The following ELL variants were observed in gnomAD, a reference collection of about 807,000 sequenced individuals.
The protein encoded by ELL is elongation factor for RNA polymerase II.
A neutral mutation model predicts 64.0 loss-of-function variants in ELL; 18 were observed. That is an observed-to-expected ratio of 0.28 (90% CI 0.19 to 0.42). ELL has a LOEUF of 0.42. Ranked by LOEUF, ELL falls within the 10% of genes least tolerant of loss-of-function variation. ELL has a pLI of 1.00. For synonymous variants in ELL, 399 were observed against 376.2 expected, an observed-to-expected ratio of 1.06 and a Z score of -0.70; for missense variants, 797 against 870.4, an observed-to-expected ratio of 0.92 and a Z score of 1.06.
intron 1 of ELL, among the ~76,000 whole-genome samples, chr19:18,514,415 G>A (rs1352385938): frequency 2.0e-5 from 3 of 150,542 alleles, no homozygotes; most frequent in Non-Finnish European, 4.4e-5. Context: ...TCAGAAGGCT[G>A]AGGCAGGAGA....
At chr19:18,456,303 G>A (rs1313147287) in intron 6 of ELL, among the ~76,000 whole-genome samples, 1 of 152,244 alleles carries the variant, frequency 6.6e-6, no homozygotes, top group Non-Finnish European at 1.5e-5. Flanking sequence ...CCAGCCCCTG[G>A]CTCTGTGGAC....
intron 1 of ELL, among the ~76,000 whole-genome samples, chr19:18,492,947 C>G (rs1975563349): frequency 6.6e-6 from 1 of 152,086 alleles, no homozygotes. Context: ...CCCCACTCCT[C>G]TCATGATTCC....
chr19:18,513,435 G>C (rs1600508199), intron 1 of ELL, among the ~76,000 whole-genome samples: 1 of 152,184 alleles, frequency 6.6e-6, no homozygotes, highest in African/African-American at 2.4e-5. Flanking sequence ...CAGGGAAGAA[G>C]AGACGCAAAA....
chr19:18,443,377 C>G lies in ELL; in HGVS notation c.*1375G>C. 1 of 218,412 alleles carries G rather than the reference C, an allele frequency of 4.6e-6. No individual in the cohort carries two copies. The highest frequency in any genetic ancestry group is 6.1e-5 in the East Asian group (1 of 16,436). The allele number at this position is 218,412 out of a possible 1,614,324, so 13.5% of individuals were successfully genotyped here. A position where few individuals can be genotyped will look rare whatever the true frequency, so the allele number is the denominator to read the frequency against. On this transcript the variant is annotated 3_prime_UTR_variant, in exon 12 of 12. Coordinates refer to ENST00000262809, the MANE Select transcript of ELL (RefSeq NM_006532.4). ...GCTGTCAGGAGGCACCCCTCCACCC[C>G]CCAGTTTAGAAAAATAGACATCTGT... is the stretch of plus-strand genomic sequence containing the variant.
intron 1 of ELL, among the ~76,000 whole-genome samples, chr19:18,479,487 C>T (rs1975249178): frequency 6.6e-6 from 1 of 152,020 alleles, no homozygotes; most frequent in Admixed American, 6.5e-5. Context: ...GGCAGGTGGA[C>T]TGCTTGAGGT....
Position 18,465,458 on chromosome 19 carries a change from C to G in ELL, c.423G>C (p.Thr141=). 1 of 1,612,172 alleles carries G rather than the reference C, an allele frequency of 6.2e-7. No individual in the cohort carries two copies. Among genetic ancestry groups the G allele is most frequent in the Non-Finnish European group, 8.5e-7 (1 of 1,178,702 alleles). ...RQSMAQAEEE[T]RSRSAIVIKA... The stretch of plus-strand genomic sequence containing the variant: ...TGATGACAATGGCACTTCGGCTCCG[C>G]GTCTCCTCCTCCGCCTGGGCCATGC... Residue 141 remains threonine (T), a synonymous_variant, in exon 4 of 12, where the codon ACG becomes ACC. Transcript: ENST00000262809.
At chr19:18,506,889 A>C (rs1975894277) in intron 1 of ELL, among the ~76,000 whole-genome samples, 1 of 152,264 alleles carries the variant, frequency 6.6e-6, no homozygotes, top group Non-Finnish European at 1.5e-5. Flanking sequence ...TCTACGCCAG[A>C]CATCGCCTCA....
At chr19:18,469,386 G>A (rs551680010) in intron 2 of ELL, among the ~76,000 whole-genome samples, 1 of 152,322 alleles carries the variant, frequency 6.6e-6, no homozygotes, top group African/African-American at 2.4e-5. Flanking sequence ...AGCGGGATGG[G>A]AGCAGCCCAG....
At chr19:18,497,815 C>CAAAAAA (rs58521941) in intron 1 of ELL, among the ~76,000 whole-genome samples, 4 of 54,210 alleles carry the variant, frequency 7.4e-5, no homozygotes, top group Non-Finnish European at 1.0e-4. Context: ...GATCTCATCT[C>CAAAAAA]AAAAAAAAAA....
Position 18,443,941 on chromosome 19 carries a change from C to G in ELL, c.*811G>C, listed in dbSNP as rs1974349472. The G allele has an allele frequency of 4.3e-6, 1 of 232,612 alleles. No homozygotes were observed. Among genetic ancestry groups the G allele is most frequent in the Admixed American group, 5.6e-5 (1 of 17,764 alleles). 14.4% of individuals were successfully genotyped at this position (232,612 alleles called of 1,614,324 possible). On this transcript the variant is annotated 3_prime_UTR_variant, in exon 12 of 12. Coordinates refer to ENST00000262809, the MANE Select transcript of ELL (RefSeq NM_006532.4). ...GCAACAAATGGGAAACCGAGGACAT[C>G]GCAAAGAAAAGTCTGACGCCGCTGC... is the stretch of plus-strand genomic sequence containing the variant.
At chr19:18,488,188 G>A (rs983317568) in intron 1 of ELL, among the ~76,000 whole-genome samples, 3 of 152,150 alleles carry the variant, frequency 2.0e-5, no homozygotes, top group Admixed American at 2.0e-4. Flanking sequence ...CAAAAGGATC[G>A]GCCCTGTTAT....
chr19:18,462,274 T>A (rs1257286467), intron 4 of ELL, among the ~76,000 whole-genome samples: 5 of 139,088 alleles, frequency 3.6e-5, no homozygotes, highest in African/African-American at 1.4e-4. Flanking sequence ...AGAAATCACC[T>A]GATCACTCTG....
Position 18,449,220 on chromosome 19 carries a change from C to A in ELL, c.1465+1257G>T, listed in dbSNP as rs1974474183. Among the ~76,000 whole-genome samples, 1 of 152,152 alleles carries A rather than the reference C, an allele frequency of 6.6e-6. No homozygotes were observed. The highest frequency in any genetic ancestry group is 6.5e-5 in the Admixed American group (1 of 15,280). On this transcript the variant is annotated intron_variant, in intron 8 of 11. Coordinates refer to ENST00000262809, the MANE Select transcript of ELL (RefSeq NM_006532.4). This position sits in a 1 kb window ranked among gnomAD's most constrained non-coding sequence, Gnocchi z 4.4. ...CTGGGCATCCAAGGAAGGGACACAGCCCAGAGTGGTCTGTGGACCCTGGAG... is the reference window on the plus strand; with the variant it reads ...CTGGGCATCCAAGGAAGGGACACAGACCAGAGTGGTCTGTGGACCCTGGAG...
chr19:18,483,279 C>A (rs775360497), intron 1 of ELL, among the ~76,000 whole-genome samples: 10 of 152,170 alleles, frequency 6.6e-5, no homozygotes, highest in Non-Finnish European at 1.5e-4. Flanking sequence ...CCTGGATATT[C>A]CCCGGATGCC....
chr19:18,476,857 G>A (rs966907486), intron 1 of ELL, among the ~76,000 whole-genome samples: 4 of 152,156 alleles, frequency 2.6e-5, no homozygotes, highest in Admixed American at 6.5e-5. Flanking sequence ...GACACAGGAC[G>A]CACCCAGCCA....
intron 1 of ELL, among the ~76,000 whole-genome samples, chr19:18,495,242 T>C (rs1049264317): frequency 1.3e-5 from 2 of 151,988 alleles, no homozygotes; most frequent in Non-Finnish European, 2.9e-5. Flanking sequence ...CTGCAGGCCT[T>C]GTGGGGTGGT....
intron 4 of ELL, among the ~76,000 whole-genome samples, chr19:18,462,500 C>T (rs917934016): frequency 6.6e-6 from 1 of 151,898 alleles, no homozygotes; most frequent in Non-Finnish European, 1.5e-5. Context: ...CCTCCCACCT[C>T]AGCCTCTGGA....
chr19:18,491,114 G>A (rs989899028), intron 1 of ELL, among the ~76,000 whole-genome samples: 4 of 152,060 alleles, frequency 2.6e-5, no homozygotes, highest in African/African-American at 9.7e-5. Context: ...ACAGGGTCTT[G>A]CTCTGTCGCC....
chr19:18,465,467 C>T lies in ELL; in HGVS notation c.414G>A (p.Glu138=), dbSNP rs1974913166. 6.2e-7 allele frequency: 1 copy of T among 1,612,684 alleles called. No homozygotes were observed. The highest frequency in any genetic ancestry group is 8.5e-7 in the Non-Finnish European group (1 of 1,179,008). The stretch of plus-strand genomic sequence containing the variant: ...TGGCACTTCGGCTCCGCGTCTCCTC[C>T]TCCGCCTGGGCCATGCTCTGCCGCG... The part of the protein sequence containing the change: ...QKARQSMAQA[E]EETRSRSAIV... The change falls in exon 4 of 12, where the codon GAG becomes GAA. Residue 138 remains glutamate, a synonymous_variant. Transcript: ENST00000262809.
Sources: allele counts gnomAD v4.1 joint callset (sites outside exome capture counted in the v4.1 genomes callset), GRCh38; gene constraint gnomAD v4.1.1; non-coding constraint Gnocchi (gnomAD v3.1); transcripts MANE v1.5; gene names NCBI Gene and HGNC (gene_info 2026-07-23, HGNC 2026-07-21).